CNIH3: variants seen among roughly 807,000 people sequenced by gnomAD.
The protein encoded by CNIH3 is protein cornichon homolog 3.
In CNIH3, 14 loss-of-function variants were observed where a neutral mutation model predicts 24.1. The ratio of observed to expected loss-of-function variants is 0.58; its 90% confidence interval spans 0.38 to 0.91. The LOEUF (loss-of-function observed/expected upper bound fraction) is 0.91, where lower values mean the gene tolerates loss of function less well. Ranked by LOEUF, CNIH3 falls within the 40% of genes least tolerant of loss-of-function variation. CNIH3 has a pLI of 0.00. For synonymous variants in CNIH3, 68 were observed against 73.8 expected (o/e 0.92, Z 0.40); for missense variants, 178 against 196.8 (o/e 0.90, Z 0.57).
chr1:224,585,259 G>A (rs928952977), intron 5 of CNIH3, among the ~76,000 whole-genome samples: 2 of 151,962 alleles, frequency 1.3e-5, no homozygotes, highest in Non-Finnish European at 2.9e-5. Flanking sequence ...CTGTCTTAAC[G>A]TCTCAATGTC....
chr1:224,687,648 T>A (rs1686725660), intron 3 of CNIH3, among the ~76,000 whole-genome samples: 1 of 152,216 alleles, frequency 6.6e-6, no homozygotes, highest in African/African-American at 2.4e-5. Context: ...TACCTGAGAT[T>A]GTTTTCAGTG....
chr1:224,455,186 TA>T (rs578122798), intron 1 of CNIH3, among the ~76,000 whole-genome samples: 5 of 152,088 alleles, frequency 3.3e-5, no homozygotes, highest in African/African-American at 1.2e-4. Flanking sequence ...GTACAGAAAG[TA>T]AAAAAACAGA....
intron 3 of CNIH3, among the ~76,000 whole-genome samples, chr1:224,709,616 T>C (rs1688022184): frequency 6.6e-6 from 1 of 151,350 alleles, no homozygotes; most frequent in African/African-American, 2.4e-5. Flanking sequence ...CTTGCAGGAG[T>C]AGAGAAAGAG....
At chr1:224,506,015 C>T (rs61004241) in intron 1 of CNIH3, among the ~76,000 whole-genome samples, 12,595 of 152,236 alleles carry the variant, frequency 0.083, 1,566 homozygotes, top group African/African-American at 0.27. Flanking sequence ...ACTCCCTCCC[C>T]TGCTCCCAGT....
Position 224,684,855 on chromosome 1 carries a change from A to G in CNIH3, c.198+12A>G, listed in dbSNP as rs781316411. On this transcript the variant is annotated intron_variant, in intron 3 of 5. Coordinates refer to ENST00000272133, the MANE Select transcript of CNIH3 (RefSeq NM_152495.2). This position sits in a 1 kb window ranked among gnomAD's most constrained non-coding sequence, Gnocchi z 4.2. ...TCCTTCTGCGAAAGGTCAGTGTGGC[A>G]GCTTCATGCCGAGGATGGAGGATCG... is the stretch of plus-strand genomic sequence containing the variant. 7.4e-6 allele frequency: 12 copies of G among 1,613,426 alleles called. No homozygotes were observed. Among genetic ancestry groups the G allele is most frequent in the East Asian group, 2.2e-5 (1 of 44,890 alleles).
intron 1 of CNIH3, among the ~76,000 whole-genome samples, chr1:224,678,979 T>C (rs1445479888): frequency 6.6e-6 from 1 of 152,086 alleles, no homozygotes. Flanking sequence ...TACTCAACCC[T>C]GCCGTTGTGC....
intron 3 of CNIH3, among the ~76,000 whole-genome samples, chr1:224,556,132 C>A (rs1680128609): frequency 1.3e-5 from 2 of 151,294 alleles, no homozygotes; most frequent in Admixed American, 6.6e-5. Flanking sequence ...AGTTTGTTTC[C>A]TGGGACAACA....
chr1:224,645,050 C>T (rs921241730), intron 1 of CNIH3, among the ~76,000 whole-genome samples: 4 of 152,162 alleles, frequency 2.6e-5, no homozygotes, highest in African/African-American at 7.2e-5. Flanking sequence ...CTGGGAGTGG[C>T]GAACAGTGTG....
At chr1:224,648,813 C>G (rs1351062517) in intron 1 of CNIH3, among the ~76,000 whole-genome samples, 3 of 152,154 alleles carry the variant, frequency 2.0e-5, no homozygotes, top group Non-Finnish European at 4.4e-5. Context: ...GTAACTATTC[C>G]TTCCTGGTAG....
chr1:224,700,268 G>A (rs1687412617), intron 3 of CNIH3, among the ~76,000 whole-genome samples: 1 of 152,132 alleles, frequency 6.6e-6, no homozygotes, highest in South Asian at 2.1e-4. Flanking sequence ...CAATAATAGG[G>A]CCCACCCTAA....
intron 1 of CNIH3, among the ~76,000 whole-genome samples, chr1:224,470,905 A>C (rs1676342573): frequency 6.6e-6 from 1 of 152,258 alleles, no homozygotes; most frequent in African/African-American, 2.4e-5. Context: ...ACATCAGGAT[A>C]AATGAGATAT....
At chr1:224,623,584 C>A (rs1309792662) in intron 1 of CNIH3, among the ~76,000 whole-genome samples, 4 of 152,120 alleles carry the variant, frequency 2.6e-5, no homozygotes, top group Non-Finnish European at 1.5e-5. Flanking sequence ...AACTGTCCCC[C>A]ACCCCTGACT....
chr1:224,730,357 C>A, intron 3 of CNIH3, 105 bp from the exon 4 acceptor site: 1 of 706,858 alleles, frequency 1.4e-6, no homozygotes, highest in Non-Finnish European at 2.5e-6. Context: ...GCCTTTGTGT[C>A]AACCGTCTGT....
chr1:224,538,033 C>G (rs1052801473), downstream of CNIH3, among the ~76,000 whole-genome samples: 1 of 151,990 alleles, frequency 6.6e-6, no homozygotes, highest in African/African-American at 2.4e-5. Flanking sequence ...TCACTGCAAC[C>G]TCTACCTCCC....
At chr1:224,733,567 T>C (rs1689441735) in intron 4 of CNIH3, among the ~76,000 whole-genome samples, 1 of 152,196 alleles carries the variant, frequency 6.6e-6, no homozygotes. Flanking sequence ...ATTCCGGATC[T>C]GCGAGTTGCT....
intron 4 of CNIH3, chr1:224,574,489 G>A (rs191356526): frequency 4.6e-6 from 3 of 658,604 alleles, no homozygotes; most frequent in Admixed American, 2.2e-5. Flanking sequence ...CTGGGGCTAG[G>A]CACCTGGAAT....
intron 1 of CNIH3, among the ~76,000 whole-genome samples, chr1:224,641,306 C>T (rs1335183096): frequency 2.0e-5 from 3 of 152,204 alleles, no homozygotes; most frequent in Non-Finnish European, 4.4e-5. Context: ...CCAGTCAATT[C>T]CCGGGGAACA....
At chr1:224,543,009 G>C (rs1053807361) in intron 2 of CNIH3, among the ~76,000 whole-genome samples, 4 of 152,186 alleles carry the variant, frequency 2.6e-5, no homozygotes, top group African/African-American at 9.6e-5. Context: ...CAAATGAGAA[G>C]ATTCAGGATG....
chr1:224,451,763 GA>G (rs1264952164), intron 1 of CNIH3, among the ~76,000 whole-genome samples: 2 of 152,202 alleles, frequency 1.3e-5, no homozygotes, highest in Non-Finnish European at 2.9e-5. Context: ...CTGACTTCCA[GA>G]ACAGTTCTAT....
Sources: gnomAD v4.1 joint callset for allele counts (sites outside exome capture counted in the v4.1 genomes callset) on GRCh38, gnomAD v4.1.1 for gene constraint, Gnocchi (gnomAD v3.1) non-coding constraint, MANE v1.5 for transcripts, NCBI Gene and HGNC (gene_info 2026-07-23, HGNC 2026-07-21) for gene names.